TTC3: variants seen among roughly 807,000 people sequenced by gnomAD.
The protein encoded by TTC3 is tetratricopeptide repeat domain 3.
TTC3 carries 180 observed loss-of-function variants against 249.6 expected under a neutral mutation model. The observed-to-expected ratio is 0.72, with a 90% CI of 0.64 to 0.82. The LOEUF is 0.82. Among genes scored for constraint, TTC3 ranks in the 40% least tolerant of loss-of-function variants. TTC3 has a pLI of 0.00. For synonymous variants in TTC3, 717 were observed against 805.0 expected (o/e 0.89, Z 1.85); for missense variants, 2,061 against 2,398.4 (o/e 0.86, Z 2.94).
intron 39 of TTC3, among the ~76,000 whole-genome samples, chr21:37,191,009 C>A (rs1357378640): frequency 1.3e-5 from 2 of 152,150 alleles, no homozygotes; most frequent in Non-Finnish European, 2.9e-5. Context: ...TCTTTAAATG[C>A]AGACGCTGTC....
At chr21:37,163,241 C>T (rs1490745368) in intron 31 of TTC3, among the ~76,000 whole-genome samples, 1 of 152,136 alleles carries the variant, frequency 6.6e-6, no homozygotes, top group African/African-American at 2.4e-5. Flanking sequence ...GCGACTTGCC[C>T]AAGAACACAA....
At chr21:37,158,058 G>A (rs2080286517) in intron 28 of TTC3, 6 of 931,010 alleles carry the variant, frequency 6.4e-6, no homozygotes, top group African/African-American at 3.6e-5. Context: ...TATAAGGAGT[G>A]GAAAGCTTAC....
chr21:37,146,814 G>A (rs982394049), intron 21 of TTC3, among the ~76,000 whole-genome samples: 1 of 152,156 alleles, frequency 6.6e-6, no homozygotes, highest in Admixed American at 6.5e-5. Context: ...ACACCGAACC[G>A]TACACTTCAT....
rs761724281 is a variant in TTC3, at chr21:37,165,806, GGGGAGTATGTAC to G, written c.3594_3605del (p.Glu1199_Arg1202del). 3.1e-6 allele frequency: 5 copies of G among 1,614,152 alleles called. No homozygotes were observed. In the South Asian group the frequency reaches 5.5e-5, roughly 18 times the overall value. On this transcript the variant is annotated inframe_deletion, in exon 33 of 46. Transcript: ENST00000355666. ...AAAAGTAGAAGAAATTTCAAAAGCA[GGGGAGTATGTAC>G]GAGTTAAACTACAACTGAATCCAGC...
At chr21:37,170,557 A>G (rs574404961) in intron 34 of TTC3, among the ~76,000 whole-genome samples, 5 of 152,328 alleles carry the variant, frequency 3.3e-5, no homozygotes, top group South Asian at 2.1e-4. Flanking sequence ...AATTGAATAC[A>G]ATCTAAACCT....
intron 8 of TTC3, 61 bp from the exon 9 acceptor site, chr21:37,095,289 A>G (rs1159154337): frequency 2.8e-6 from 3 of 1,065,218 alleles, no homozygotes; most frequent in East Asian, 4.8e-5. Context: ...TTTACTAGGT[A>G]TTGGGTTCTT....
At chr21:37,132,723 T>C in exon 17 of TTC3, 1 of 1,609,002 alleles carries the variant, frequency 6.2e-7, no homozygotes, top group Non-Finnish European at 8.5e-7. Context: ...TTGAAGAACA[T>C]CTTGGAGAAA....
chr21:37,106,073 CTT>C (rs2075051119), intron 10 of TTC3, among the ~76,000 whole-genome samples: 1 of 152,158 alleles, frequency 6.6e-6, no homozygotes, highest in African/African-American at 2.4e-5. Context: ...GCCCTCAACA[CTT>C]ACTATTTTTC....
intron 28 of TTC3, among the ~76,000 whole-genome samples, chr21:37,157,976 GTT>G (rs941271253): frequency 2.6e-5 from 4 of 152,164 alleles, no homozygotes; most frequent in African/African-American, 9.7e-5. Flanking sequence ...ATGTCATGCT[GTT>G]TGTTTTAAAG....
At chr21:37,150,136 T>G in exon 24 of TTC3, 2 of 1,613,510 alleles carry the variant, frequency 1.2e-6, no homozygotes, top group Non-Finnish European at 1.7e-6. Context: ...TCTAAGATTA[T>G]CATCTTCAGC....
intron 44 of TTC3, 70 bp from the exon 45 acceptor site, chr21:37,200,162 G>A: frequency 6.9e-7 from 1 of 1,457,960 alleles, no homozygotes; most frequent in Non-Finnish European, 9.4e-7. Flanking sequence ...AAGGCCACTT[G>A]AAGGAAGAAC....
chr21:37,097,055 C>T (rs1055732808), intron 10 of TTC3, among the ~76,000 whole-genome samples: 5 of 152,062 alleles, frequency 3.3e-5, no homozygotes, highest in African/African-American at 9.7e-5. Flanking sequence ...GTTAATTAAT[C>T]CATATAGTAT....
chr21:37,074,157 C>G (rs937904090), intron 1 of TTC3, among the ~76,000 whole-genome samples: 4 of 150,792 alleles, frequency 2.7e-5, no homozygotes. Flanking sequence ...ACGGAACGGA[C>G]CCAGGAGGGG....
chr21:37,104,588 C>CAAAAAAAAAAA (rs141618903), intron 10 of TTC3, among the ~76,000 whole-genome samples: 78 of 104,274 alleles, frequency 7.5e-4, no homozygotes, highest in African/African-American at 1.7e-3. Context: ...AACTCCGTCT[C>CAAAAAAAAAAA]AAAAAAAAAA....
At chr21:37,144,070 A>C (rs1251953404) in intron 20 of TTC3, among the ~76,000 whole-genome samples, 1 of 151,784 alleles carries the variant, frequency 6.6e-6, no homozygotes, top group Non-Finnish European at 1.5e-5. Flanking sequence ...AGGAAGGGGA[A>C]CATCACACAC....
intron 39 of TTC3, 112 bp downstream of exon 39, chr21:37,188,707 A>T (rs1265799118): frequency 1.6e-6 from 1 of 644,378 alleles, no homozygotes; most frequent in Non-Finnish European, 2.5e-6. Flanking sequence ...TAGTTATATA[A>T]TTGATACATG....
chr21:37,126,091 G>A (rs772721214), exon 15 of TTC3: 6 of 1,607,718 alleles, frequency 3.7e-6, no homozygotes, highest in East Asian at 2.2e-5. Context: ...TGGCGGATGA[G>A]GCGTTGAAGG....
At position 37,124,601 on chromosome 21, in the gene TTC3, C is replaced by A. The variant is rs902277710; in HGVS notation, c.1110-18C>A. 1.2e-6 allele frequency: 2 copies of A among 1,602,966 alleles called. No individual in the cohort carries two copies. Among genetic ancestry groups the A allele is most frequent in the Admixed American group, 1.7e-5 (1 of 57,880 alleles). ...ACTTTCAAAAAATGTATAATAATTC[C>A]TTTTTTCCCCCACTTAGGGCCTACA... On this transcript the variant is annotated intron_variant, in intron 13 of 45. Coordinates refer to ENST00000355666, the Ensembl canonical transcript of TTC3.
chr21:37,111,959 T>TA (rs201455145), intron 11 of TTC3, among the ~76,000 whole-genome samples: 68,627 of 117,500 alleles, frequency 0.58, 16,153 homozygotes, highest in Non-Finnish European at 0.62. Flanking sequence ...ACTGGGTACT[T>TA]ACGAAATGAA....
Sources: allele counts gnomAD v4.1 joint callset (sites outside exome capture counted in the v4.1 genomes callset), GRCh38; gene constraint gnomAD v4.1.1; transcripts MANE v1.5; gene names NCBI Gene and HGNC (gene_info 2026-07-23, HGNC 2026-07-21).